Variants in MTF1 observed in about 807,000 individuals in gnomAD.
MTF1 encodes the protein metal regulatory transcription factor 1, also known as MRE-binding transcription factor.
Under a neutral mutation model 70.4 loss-of-function variants are expected in MTF1, and 22 were observed. That is an observed-to-expected ratio of 0.31 (90% CI 0.22 to 0.45). MTF1 has a LOEUF of 0.45. MTF1 is among the 20% of genes least tolerant of loss of function. MTF1 has a pLI of 1.00. For missense variants in MTF1, 649 were observed against 922.0 expected (o/e 0.70, Z 3.83); for synonymous variants, 333 against 352.8 (o/e 0.94, Z 0.63).
rs192341109 is a variant in MTF1 at position 37,826,876 on chromosome 1, C to T, written c.1069-3064G>A. On this transcript the variant is annotated intron_variant, in intron 7 of 10. Coordinates refer to ENST00000373036, the MANE Select transcript of MTF1 (RefSeq NM_005955.3). ...TGCTTCAAATCCTAGCTACTCGGGA[C>T]GCTGAGGCAGGAGAATTACTTGAAC... 3.2e-4 allele frequency among the ~76,000 whole-genome samples: 49 copies of T among 152,124 alleles called. No homozygotes were observed. The East Asian group carries it at 8.9e-3, about 28-fold the overall frequency.
At chr1:37,855,373 C>T (rs960004283) in intron 2 of MTF1, among the ~76,000 whole-genome samples, 21 of 152,098 alleles carry the variant, frequency 1.4e-4, no homozygotes, top group Admixed American at 5.2e-4. Context: ...GGGTATGAAA[C>T]ACTCTGCTCT....
chr1:37,859,515 T>C lies in MTF1; in HGVS notation c.-52+16A>G. Reference sequence around the variant, plus strand: ...GTAAGTCCCAAGCCCAGGCCGAGTCTAGTTTCGCCTTTTACCTCCGCGGCT... The same window carrying C: ...GTAAGTCCCAAGCCCAGGCCGAGTCCAGTTTCGCCTTTTACCTCCGCGGCT... On this transcript the variant is annotated intron_variant, in intron 1 of 10. Transcript: ENST00000373036. 1 of 398,952 alleles carries C rather than the reference T, an allele frequency of 2.5e-6. No individual in the cohort carries two copies. Among genetic ancestry groups the C allele is most frequent in the Non-Finnish European group, 4.4e-6 (1 of 226,388 alleles). 24.7% of individuals were successfully genotyped at this position (398,952 alleles called of 1,614,324 possible).
chr1:37,821,914 T>C (rs566904823), intron 9 of MTF1, among the ~76,000 whole-genome samples: 48 of 148,658 alleles, frequency 3.2e-4, no homozygotes, highest in Non-Finnish European at 6.5e-4. Flanking sequence ...AGATAAAGAC[T>C]GTTTCTCTGC....
chr1:37,840,435 A>G lies in MTF1; in HGVS notation c.409-277T>C. The G allele has an allele frequency of 1.9e-5, 10 of 527,172 alleles. No homozygotes were observed. Among genetic ancestry groups the G allele is most frequent in the South Asian group, 1.6e-4 (10 of 62,248 alleles). The allele number at this position is 527,172 out of a possible 1,614,324, so 32.7% of individuals were successfully genotyped here. A position where few individuals can be genotyped will look rare whatever the true frequency, so the allele number is the denominator to read the frequency against. On this transcript the variant is annotated intron_variant, in intron 2 of 10. Transcript: ENST00000373036. The surrounding 1 kb of genome is among the most constrained non-coding windows in gnomAD (Gnocchi z 4.5). ...ATGTTTTCAGACTCTATATACATCT[A>G]CCCACTAAAAGTACACTATACTGTT...
chr1:37,846,546 T>C (rs965931546), intron 2 of MTF1, among the ~76,000 whole-genome samples: 2 of 152,308 alleles, frequency 1.3e-5, no homozygotes, highest in Admixed American at 1.3e-4. Context: ...CATCTCATGC[T>C]AGTAATGGGC....
intron 9 of MTF1, 49 bp from the exon 10 acceptor site, chr1:37,817,531 A>G: frequency 7.8e-7 from 1 of 1,288,638 alleles, no homozygotes; most frequent in Non-Finnish European, 1.1e-6. Context: ...AATATGGCAG[A>G]TCCCCAGGGA....
chr1:37,848,230 T>C (rs1641362545), intron 2 of MTF1, among the ~76,000 whole-genome samples: 1 of 152,194 alleles, frequency 6.6e-6, no homozygotes, highest in Admixed American at 6.5e-5. Flanking sequence ...AGAAAGCAAA[T>C]GAACATCCAG....
chr1:37,846,376 G>C (rs902835445), intron 2 of MTF1, among the ~76,000 whole-genome samples: 2 of 149,296 alleles, frequency 1.3e-5, no homozygotes, highest in Non-Finnish European at 3.0e-5. Flanking sequence ...CTGGGTGATG[G>C]AGTGAGACCC....
chr1:37,846,737 T>C (rs888852004), intron 2 of MTF1, among the ~76,000 whole-genome samples: 1 of 150,664 alleles, frequency 6.6e-6, no homozygotes, highest in Non-Finnish European at 1.5e-5. Flanking sequence ...GGCAAAAATT[T>C]AAAAAAATTA....
In MTF1 at chr1:37,818,479, T is replaced by C. The variant is rs1485184780; in HGVS notation, c.1768-997A>G. ...CAGCACTTTGGGAAGCCGAGGCGGG[T>C]GAATCACAAGGTCAGGAGATCGAGA... On this transcript the variant is annotated intron_variant, in intron 9 of 10. Transcript: ENST00000373036. Among the ~76,000 whole-genome samples the C allele has an allele frequency of 1.3e-3, 163 of 126,692 alleles. No homozygotes were observed. The Middle Eastern group carries it at 0.052, about 40-fold the overall frequency. The allele number at this position is 126,692 out of a possible 152,430, so 83.1% of individuals were successfully genotyped here.
At chr1:37,832,141 A>G (rs1186736002) in intron 7 of MTF1, 104 bp downstream of exon 7, 2 of 726,702 alleles carry the variant, frequency 2.8e-6, no homozygotes, top group Non-Finnish European at 4.7e-6. Flanking sequence ...AACACAATTA[A>G]ATTTAGAAAA....
At chr1:37,855,383 T>G (rs191845758) in intron 2 of MTF1, among the ~76,000 whole-genome samples, 39 of 152,234 alleles carry the variant, frequency 2.6e-4, no homozygotes, top group Non-Finnish European at 2.9e-5. Flanking sequence ...CACTCTGCTC[T>G]TGTTGTTCTG....
chr1:37,815,322 G>A lies in MTF1; in HGVS notation c.2076C>T (p.Pro692=). 1 of 1,614,148 alleles carries A rather than the reference G, an allele frequency of 6.2e-7. No homozygotes were observed. The change falls in exon 11 of 11, where the codon CCC becomes CCT. Residue 692 remains proline, a synonymous_variant. Transcript: ENST00000373036. This position sits in a 1 kb window ranked among gnomAD's most constrained non-coding sequence, Gnocchi z 4.5. ...CTTGTCGGCTTTGCTCACAGGAGGA[G>A]GGCAAGGTAGAGGATGATGACCCGG... ...PVPGSSSSTL[P]SSCEQSRQAE...
At chr1:37,822,764 G>C (rs1182506796) in intron 8 of MTF1, 48 bp from the exon 9 acceptor site, 3 of 1,366,882 alleles carry the variant, frequency 2.2e-6, no homozygotes, top group Admixed American at 1.8e-5. Context: ...CCAAGCCTTA[G>C]ATGAGCCACA....
chr1:37,846,940 T>C (rs1242674542), intron 2 of MTF1, among the ~76,000 whole-genome samples: 3 of 152,192 alleles, frequency 2.0e-5, no homozygotes, highest in Non-Finnish European at 4.4e-5. Context: ...GGCCTGGCTG[T>C]TATGGCTATA....
At chr1:37,818,742 C>A (rs1370929575) in intron 9 of MTF1, among the ~76,000 whole-genome samples, 2 of 151,158 alleles carry the variant, frequency 1.3e-5, no homozygotes, top group Admixed American at 6.6e-5. Context: ...CGCCTGTAAT[C>A]CCAGCACTAT....
Position 37,815,335 on chromosome 1 carries a change from G to A in MTF1, c.2063C>T (p.Ser688Phe), listed in dbSNP as rs759516756. ...FSSAPVPGSS[S>F]STLPSSCEQS... ...CTCACAGGAGGAGGGCAAGGTAGAG[G>A]ATGATGACCCGGGAACAGGGGCTGA... Residue 688 changes from serine to phenylalanine, a missense_variant, in exon 11 of 11, where the codon TCC becomes TTC. By Grantham distance (155) the Ser-to-Phe change is radical. Around this residue, in one of 7 missense-constraint regions of MTF1, gnomAD observed 138 missense variants for 134.4 expected, o/e 1.03. Transcript: ENST00000373036. This position sits in a 1 kb window ranked among gnomAD's most constrained non-coding sequence, Gnocchi z 4.5. 1.2e-6 allele frequency: 2 copies of A among 1,614,132 alleles called. No homozygotes were observed. Among genetic ancestry groups the A allele is most frequent in the Non-Finnish European group, 8.5e-7 (1 of 1,180,028 alleles).
intron 2 of MTF1, among the ~76,000 whole-genome samples, chr1:37,852,048 T>C (rs1301517073): frequency 9.2e-5 from 14 of 152,068 alleles, no homozygotes; most frequent in Non-Finnish European, 1.9e-4. Context: ...CTCTGCAGGG[T>C]CACACAGGAA....
intron 2 of MTF1, among the ~76,000 whole-genome samples, chr1:37,849,800 T>C (rs755981143): frequency 4.6e-5 from 7 of 151,960 alleles, no homozygotes; most frequent in African/African-American, 1.2e-4. Flanking sequence ...GGAGGGAGAA[T>C]TGGTTGAGGC....
Sources: gnomAD v4.1 joint callset for allele counts (sites outside exome capture counted in the v4.1 genomes callset) on GRCh38, gnomAD v4.1.1 for gene constraint, gnomAD v4.1.1 regional missense constraint, Gnocchi (gnomAD v3.1) non-coding constraint, MANE v1.5 for transcripts, NCBI Gene and HGNC (gene_info 2026-07-23, HGNC 2026-07-21) for gene names.